The following PLXNA1 variants were observed in gnomAD, a reference collection of about 807,000 sequenced individuals.
PLXNA1 encodes the protein plexin A1, also known as plexin-A1.
A neutral mutation model predicts 191.7 loss-of-function variants in PLXNA1; 77 were observed. The ratio of observed to expected loss-of-function variants is 0.40; its 90% CI spans 0.33 to 0.49. PLXNA1 has a LOEUF of 0.49. PLXNA1 is among the 20% of genes least tolerant of loss of function. PLXNA1 has a pLI of 0.63. For missense variants in PLXNA1, 2,110 were observed against 2,660.2 expected (o/e 0.79, Z 4.55); for synonymous variants, 1,137 against 1,156.4 (o/e 0.98, Z 0.34).
chr3:127,021,232 C>T (rs1466050350), intron 21 of PLXNA1, among the ~76,000 whole-genome samples: 3 of 152,216 alleles, frequency 2.0e-5, no homozygotes, highest in Non-Finnish European at 2.9e-5. Flanking sequence ...TGCTGCCACA[C>T]GGGGCTACAC....
rs2079199901 is a variant in PLXNA1 at position 127,029,998 on chromosome 3, G to A, written c.4995G>A (p.Gln1665=). 1 of 1,613,682 alleles carries A rather than the reference G, an allele frequency of 6.2e-7. No homozygotes were observed. Among genetic ancestry groups the A allele is most frequent in the African/African-American group, 1.3e-5 (1 of 74,950 alleles). The change falls in exon 28 of 32, where the codon CAG becomes CAA. Residue 1665 remains glutamine (Q), a synonymous_variant. Transcript: ENST00000393409. ...HLVKNHDHLD[Q]REGDRGSKMV... is the part of the protein sequence containing the mutation. ...TGAAGAACCACGACCACCTGGACCAGCGTGAGGGTGACCGCGGCAGCAAGA... is the reference window on the plus strand; with the variant it reads ...TGAAGAACCACGACCACCTGGACCAACGTGAGGGTGACCGCGGCAGCAAGA...
rs776378279 is a variant in PLXNA1 at position 126,991,395 on chromosome 3, C to T, written c.1206C>T (p.Ile402=). 3.7e-6 allele frequency: 6 copies of T among 1,612,716 alleles called. No homozygotes were observed. The highest frequency in any genetic ancestry group is 1.3e-5 in the African/African-American group (1 of 75,062). ...GCCCCTTCCCACAGCCCCTGCAGAT[C>T]GATGACGACTTCTGCGGGCAGGACT... ...ELGCINSPLQ[I]DDDFCGQDFN... Residue 402 remains isoleucine, a synonymous_variant, in exon 3 of 32, where the codon ATC becomes ATT. Coordinates refer to ENST00000393409, the MANE Select transcript of PLXNA1 (RefSeq NM_032242.4).
chr3:126,986,335 G>A (rs949746877), intron 1 of PLXNA1, among the ~76,000 whole-genome samples: 13 of 152,202 alleles, frequency 8.5e-5, no homozygotes, highest in African/African-American at 3.1e-4. Context: ...TTCTTGGGGC[G>A]CTGTCCGGCA....
At chr3:127,023,557 C>T (rs538527760) in intron 23 of PLXNA1, among the ~76,000 whole-genome samples, 1 of 152,240 alleles carries the variant, frequency 6.6e-6, no homozygotes, top group African/African-American at 2.4e-5. Flanking sequence ...ACAGTGTAGC[C>T]CAGTGATCGA....
chr3:127,003,224 C>G lies in PLXNA1; in HGVS notation c.1378-106C>G, dbSNP rs545118302. On this transcript the variant is annotated intron_variant, in intron 3 of 31. Coordinates refer to ENST00000393409, the MANE Select transcript of PLXNA1 (RefSeq NM_032242.4). ...GCTGGTCCTCTCTGCTCATGCATGTCTGGGCAGCTCAGGGAGGGGCTTTAG... is the reference window on the plus strand; with the variant it reads ...GCTGGTCCTCTCTGCTCATGCATGTGTGGGCAGCTCAGGGAGGGGCTTTAG... The G allele has an allele frequency of 7.7e-6, 10 of 1,300,266 alleles. No homozygotes were observed. The South Asian group carries it at 1.6e-4, about 21-fold the overall frequency. The allele number at this position is 1,300,266 out of a possible 1,614,324, so 80.5% of individuals were successfully genotyped here.
chr3:126,984,158 G>A (rs1216112180), intron 1 of PLXNA1, among the ~76,000 whole-genome samples: 1 of 152,196 alleles, frequency 6.6e-6, no homozygotes, highest in African/African-American at 2.4e-5. Context: ...GGACTCCAGG[G>A]AGGCCCCTCG....
chr3:126,988,294 T>C (rs1463375303), intron 1 of PLXNA1, among the ~76,000 whole-genome samples: 1 of 152,122 alleles, frequency 6.6e-6, no homozygotes, highest in Non-Finnish European at 1.5e-5. Context: ...GCCAACGGAG[T>C]GACCTCTTGC....
Position 126,991,433 on chromosome 3 carries a change from T to TG in PLXNA1, c.1250dup (p.Thr418HisfsTer5), listed in dbSNP as rs758352794. 6.2e-7 allele frequency: 1 copy of TG among 1,612,814 alleles called. No homozygotes were observed. On this transcript the variant is annotated frameshift_variant, in exon 3 of 32. Transcript: ENST00000393409. LOFTEE classifies it high-confidence loss of function. Reference sequence around the variant, plus strand: ...TGCGGGCAGGACTTCAACCAGCCCCTGGGGGGCACAGTCACCATTGAGGGG... The same window carrying TG: ...TGCGGGCAGGACTTCAACCAGCCCCTGGGGGGGCACAGTCACCATTGAGGGG...
At chr3:127,029,330 C>A in intron 26 of PLXNA1, 110 bp from the exon 27 acceptor site, 1 of 1,037,504 alleles carries the variant, frequency 9.6e-7, no homozygotes, top group African/African-American at 1.6e-5. Flanking sequence ...GAGGTGGCTG[C>A]CTCCAGGCAC....
intron 25 of PLXNA1, 54 bp from the exon 26 acceptor site, chr3:127,028,939 G>A (rs903720868): frequency 9.2e-6 from 13 of 1,406,600 alleles, no homozygotes; most frequent in Admixed American, 6.9e-5. Context: ...TGCTGTGATG[G>A]AGGAGGGAAA....
intron 29 of PLXNA1, chr3:127,031,869 G>A (rs1016531731): frequency 6.0e-5 from 10 of 166,382 alleles, no homozygotes; most frequent in Non-Finnish European, 1.2e-4. Context: ...TGGCACTGGT[G>A]TGGCTGAGTG....
rs35728362 is a variant in PLXNA1, at chr3:127,011,838, TG to T, written c.2113-117del. 7.3e-5 allele frequency: 68 copies of T among 932,426 alleles called. No homozygotes were observed. In the African/African-American group the frequency reaches 1.1e-3, roughly 15 times the overall value. The allele number at this position is 932,426 out of a possible 1,614,324, so 57.8% of individuals were successfully genotyped here. A position where few individuals can be genotyped will look rare whatever the true frequency, so the allele number is the denominator to read the frequency against. Reference sequence around the variant, plus strand: ...GTCCTCAGTTTGCCAGTGCATAAAATGGGCACATTGGTGCTTGGCTGGGAGC... The same window carrying T: ...GTCCTCAGTTTGCCAGTGCATAAAATGGCACATTGGTGCTTGGCTGGGAGC... On this transcript the variant is annotated intron_variant, in intron 9 of 31. Coordinates refer to ENST00000393409, the MANE Select transcript of PLXNA1 (RefSeq NM_032242.4).
At chr3:126,996,253 T>C (rs2079014525) in intron 3 of PLXNA1, among the ~76,000 whole-genome samples, 1 of 152,108 alleles carries the variant, frequency 6.6e-6, no homozygotes, top group Non-Finnish European at 1.5e-5. Context: ...CCGGCCATCT[T>C]CCTCTCTGCA....
At chr3:126,993,229 C>T (rs1451384446) in intron 3 of PLXNA1, among the ~76,000 whole-genome samples, 1 of 152,194 alleles carries the variant, frequency 6.6e-6, no homozygotes, top group East Asian at 1.9e-4. Flanking sequence ...CAGGGAACTG[C>T]AGAGTTGGGC....
At chr3:127,032,026 G>A in intron 29 of PLXNA1, 1 of 249,866 alleles carries the variant, frequency 4.0e-6, no homozygotes. Flanking sequence ...GAGCTGAGCT[G>A]CAGGTCTCAG....
chr3:127,022,863 G>A (rs535066909), intron 23 of PLXNA1, 45 bp downstream of exon 23: 2 of 1,509,280 alleles, frequency 1.3e-6, no homozygotes, highest in East Asian at 2.3e-5. Flanking sequence ...CAGGTGAACA[G>A]CGGGAGGGGA....
intron 29 of PLXNA1, 35 bp from the exon 30 acceptor site, chr3:127,032,338 AGGAGGGAGCAGAGG>A (rs1445603114): frequency 3.2e-6 from 5 of 1,569,808 alleles, no homozygotes; most frequent in Non-Finnish European, 4.4e-6. Flanking sequence ...GTCACTGCTC[AGGAGGGAGCAGAGG>A]CCTATCTGAG....
At chr3:127,025,586 C>A (rs2079173156) in intron 23 of PLXNA1, among the ~76,000 whole-genome samples, 1 of 152,216 alleles carries the variant, frequency 6.6e-6, no homozygotes, top group South Asian at 2.1e-4. Flanking sequence ...AACTCTGTCC[C>A]CATTGAACAC....
At chr3:126,993,608 C>T (rs970283073) in intron 3 of PLXNA1, among the ~76,000 whole-genome samples, 1 of 152,216 alleles carries the variant, frequency 6.6e-6, no homozygotes, top group South Asian at 2.1e-4. Flanking sequence ...CTGGGTACCG[C>T]CTCCCTCCAC....
Sources: gnomAD v4.1 joint callset for allele counts (sites outside exome capture counted in the v4.1 genomes callset) on GRCh38, gnomAD v4.1.1 for gene constraint, MANE v1.5 for transcripts, NCBI Gene and HGNC (gene_info 2026-07-23, HGNC 2026-07-21) for gene names.